YEATS2: variants seen among roughly 807,000 people sequenced by gnomAD.
The protein encoded by YEATS2 is YEATS domain-containing protein 2.
YEATS2 carries 77 observed loss-of-function variants against 163.2 expected under a neutral mutation model. That is an observed-to-expected ratio of 0.47 (90% CI 0.39 to 0.57). The LOEUF is 0.57. YEATS2 is among the 20% of genes least tolerant of loss of function. The pLI is 0.00. For synonymous variants in YEATS2, 631 were observed against 645.1 expected (o/e 0.98, Z 0.33); for missense variants, 1,549 against 1,729.8 (o/e 0.90, Z 1.85).
chr3:183,736,876 C>G (rs780483025), intron 8 of YEATS2, 47 bp downstream of exon 8: 8 of 1,527,114 alleles, frequency 5.2e-6, no homozygotes, highest in Non-Finnish European at 7.2e-6. Context: ...CTCTTTTTAC[C>G]AGCTACAATT....
At chr3:183,808,488 T>C (rs1726455133) in intron 29 of YEATS2, among the ~76,000 whole-genome samples, 1 of 152,218 alleles carries the variant, frequency 6.6e-6, no homozygotes. Flanking sequence ...AGCCTGATCC[T>C]AGCTCAGCAG....
At chr3:183,708,453 C>T (rs1245605790) in intron 1 of YEATS2, among the ~76,000 whole-genome samples, 4 of 152,146 alleles carry the variant, frequency 2.6e-5, no homozygotes, top group South Asian at 2.1e-4. Flanking sequence ...TTCCCTGACT[C>T]GAGAGCTAAG....
chr3:183,808,050 C>T lies in YEATS2; in HGVS notation c.4032C>T (p.Pro1344=), dbSNP rs1477008895. 7.7e-6 allele frequency: 12 copies of T among 1,563,312 alleles called. No homozygotes were observed. Among genetic ancestry groups the T allele is most frequent in the South Asian group, 2.4e-5 (2 of 84,770 alleles). ...VTQKIGITLQ[P]VALHRNVYAS... ...TCCAGATTGGGATCACCCTGCAGCC[C>T]GTGGCACTCCACAGGAACGTGTATG... Residue 1344 remains proline (P), a synonymous_variant, in exon 29 of 31, where the codon CCC becomes CCT. Transcript: ENST00000305135.
chr3:183,769,560 G>T (rs1722243077), intron 15 of YEATS2, among the ~76,000 whole-genome samples: 1 of 152,180 alleles, frequency 6.6e-6, no homozygotes, highest in African/African-American at 2.4e-5. Flanking sequence ...ACTCAAGAGA[G>T]GTTAAATAAC....
intron 18 of YEATS2, 31 bp from the exon 19 acceptor site, chr3:183,777,511 G>A (rs777359433): frequency 2.5e-6 from 4 of 1,608,552 alleles, no homozygotes; most frequent in Admixed American, 3.4e-5. Context: ...ACAAATTACC[G>A]ATTAGTTCTT....
chr3:183,764,607 C>G (rs1721713475), intron 15 of YEATS2, among the ~76,000 whole-genome samples: 1 of 151,868 alleles, frequency 6.6e-6, no homozygotes, highest in South Asian at 2.1e-4. Flanking sequence ...GTCAGGAGTT[C>G]GAGATCAGGC....
intron 20 of YEATS2, among the ~76,000 whole-genome samples, chr3:183,789,059 T>A (rs932148025): frequency 3.3e-5 from 5 of 152,360 alleles, no homozygotes; most frequent in Admixed American, 1.3e-4. Flanking sequence ...TTTGCCAGTA[T>A]TTCCTCCCAT....
chr3:183,700,425 T>G (rs1448236973), intron 1 of YEATS2, among the ~76,000 whole-genome samples: 2 of 152,122 alleles, frequency 1.3e-5, no homozygotes, highest in Non-Finnish European at 2.9e-5. Flanking sequence ...GATTTTTATT[T>G]GAATGTTCAT....
chr3:183,808,328 G>A (rs1726436323), intron 29 of YEATS2, among the ~76,000 whole-genome samples: 1 of 152,086 alleles, frequency 6.6e-6, no homozygotes, highest in East Asian at 1.9e-4. Context: ...TGCCTCCTAA[G>A]ACGTATTCTG....
intron 21 of YEATS2, among the ~76,000 whole-genome samples, chr3:183,792,326 T>TG (rs949290186): frequency 2.0e-5 from 3 of 152,010 alleles, no homozygotes; most frequent in Admixed American, 2.0e-4. Context: ...CCACGGTGTG[T>TG]GATGTTCCCC....
chr3:183,796,148 A>ATTTTTTTTTTTTTTT (rs1176974770), intron 21 of YEATS2, among the ~76,000 whole-genome samples: 25 of 96,060 alleles, frequency 2.6e-4, no homozygotes, highest in African/African-American at 1.0e-3. Context: ...ATGCCCGGCT[A>ATTTTTTTTTTTTTTT]TTTTTTTTTT....
chr3:183,710,681 A>C (rs533664181), intron 1 of YEATS2, among the ~76,000 whole-genome samples: 1 of 152,126 alleles, frequency 6.6e-6, no homozygotes, highest in African/African-American at 2.4e-5. Flanking sequence ...TTTTACACCA[A>C]AAGTCAAAGA....
intron 29 of YEATS2, chr3:183,808,611 T>A (rs1466072526): frequency 1.2e-5 from 2 of 172,056 alleles, no homozygotes; most frequent in Non-Finnish European, 2.5e-5. Context: ...ATCTCAGCAC[T>A]TTGGGAGGCC....
intron 16 of YEATS2, among the ~76,000 whole-genome samples, chr3:183,773,410 T>C (rs1722670376): frequency 6.6e-6 from 1 of 152,326 alleles, no homozygotes; most frequent in African/African-American, 2.4e-5. Context: ...TATATACAGA[T>C]ATAAAGAGCC....
intron 28 of YEATS2, 140 bp from the exon 29 acceptor site, chr3:183,807,890 C>T (rs1726380692): frequency 1.7e-6 from 1 of 603,236 alleles, no homozygotes; most frequent in African/African-American, 1.9e-5. Context: ...TGTTCCTTTC[C>T]CGTGAATTTT....
chr3:183,700,664 G>A (rs1478323910), intron 1 of YEATS2, among the ~76,000 whole-genome samples: 3 of 139,170 alleles, frequency 2.2e-5, no homozygotes, highest in East Asian at 2.0e-4. Context: ...CCAGCTGCTC[G>A]GGAGGCTGAG....
chr3:183,718,631 A>G (rs775620580), intron 4 of YEATS2, 39 bp downstream of exon 4: 9 of 1,480,222 alleles, frequency 6.1e-6, no homozygotes, highest in Admixed American at 1.9e-5. Context: ...CCAGCCACTC[A>G]TATTTGTTGT....
At chr3:183,783,911 A>T (rs537085677) in intron 19 of YEATS2, among the ~76,000 whole-genome samples, 1 of 152,190 alleles carries the variant, frequency 6.6e-6, no homozygotes, top group South Asian at 2.1e-4. Context: ...GCTGAGTCAG[A>T]TGGTAGTTCC....
At chr3:183,795,494 T>G (rs1725063216) in intron 21 of YEATS2, among the ~76,000 whole-genome samples, 1 of 119,940 alleles carries the variant, frequency 8.3e-6, no homozygotes, top group Non-Finnish European at 1.7e-5. Flanking sequence ...AGAGACGGGG[T>G]CTTGCTTTGT....
Sources: allele counts gnomAD v4.1 joint callset (sites outside exome capture counted in the v4.1 genomes callset), GRCh38; gene constraint gnomAD v4.1.1; transcripts MANE v1.5; gene names NCBI Gene and HGNC (gene_info 2026-07-23, HGNC 2026-07-21).